FAF1: variants seen among roughly 807,000 people sequenced by gnomAD.
FAF1 encodes FAS-associated factor 1.
Under a neutral mutation model 92.5 loss-of-function variants are expected in FAF1, and 25 were observed. That is an observed-to-expected ratio of 0.27 (90% CI 0.20 to 0.38). The LOEUF (loss-of-function observed/expected upper bound fraction) is 0.38, where lower values mean the gene tolerates loss of function less well. FAF1 is among the 10% of genes least tolerant of loss of function. The pLI, the probability that FAF1 is intolerant of heterozygous loss-of-function variation, is 1.00. For missense variants in FAF1, 636 were observed against 793.3 expected, an observed-to-expected ratio of 0.80 and a Z score of 2.38; for synonymous variants, 234 against 273.2, an observed-to-expected ratio of 0.86 and a Z score of 1.42.
chr1:50,714,621 A>G (rs1658097635), intron 6 of FAF1, among the ~76,000 whole-genome samples: 1 of 152,174 alleles, frequency 6.6e-6, no homozygotes, highest in Non-Finnish European at 1.5e-5. Context: ...TTTTGTGGGA[A>G]CTGCCTTTGA....
chr1:50,929,339 T>C (rs1424741575), intron 1 of FAF1, among the ~76,000 whole-genome samples: 1 of 152,160 alleles, frequency 6.6e-6, no homozygotes, highest in East Asian at 1.9e-4. Flanking sequence ...CATTGAGTAC[T>C]AGTATATAAA....
chr1:50,804,634 A>G (rs548080670), intron 2 of FAF1, among the ~76,000 whole-genome samples: 1 of 152,248 alleles, frequency 6.6e-6, no homozygotes, highest in African/African-American at 2.4e-5. Flanking sequence ...ATGGGAAACT[A>G]AGAATAATTG....
At chr1:50,726,155 C>T (rs961326524) in intron 6 of FAF1, among the ~76,000 whole-genome samples, 6 of 151,982 alleles carry the variant, frequency 3.9e-5, no homozygotes, top group African/African-American at 1.5e-4. Context: ...ACTCGGGAGG[C>T]TGAGGCAGGA....
intron 18 of FAF1, among the ~76,000 whole-genome samples, chr1:50,461,881 G>GAA (rs11449784): frequency 1.6e-4 from 18 of 112,458 alleles, no homozygotes; most frequent in South Asian, 8.4e-4. Context: ...CCAAAACACT[G>GAA]AAAAAAAAAA....
chr1:50,823,106 A>G (rs998441462), intron 2 of FAF1, among the ~76,000 whole-genome samples: 4 of 152,088 alleles, frequency 2.6e-5, no homozygotes, highest in African/African-American at 9.7e-5. Context: ...TATGAGTTAG[A>G]CATCCCGCAG....
intron 14 of FAF1, among the ~76,000 whole-genome samples, chr1:50,539,212 G>A (rs17106276): frequency 0.016 from 2,478 of 152,200 alleles, 73 homozygotes; most frequent in African/African-American, 0.055. Flanking sequence ...TACAGTGACT[G>A]GATTTTCTAG....
intron 8 of FAF1, among the ~76,000 whole-genome samples, chr1:50,629,097 T>C (rs917211362): frequency 6.6e-6 from 1 of 152,158 alleles, no homozygotes; most frequent in African/African-American, 2.4e-5. Context: ...ATATCTATTA[T>C]TGTTATTCCC....
At chr1:50,821,991 G>A (rs919933419) in intron 2 of FAF1, among the ~76,000 whole-genome samples, 3 of 151,866 alleles carry the variant, frequency 2.0e-5, no homozygotes, top group Non-Finnish European at 2.9e-5. Context: ...AGAAAAGTGG[G>A]TAGGTTAACA....
chr1:50,796,522 C>T (rs935482711), intron 3 of FAF1, among the ~76,000 whole-genome samples: 2 of 152,166 alleles, frequency 1.3e-5, no homozygotes, highest in Non-Finnish European at 2.9e-5. Flanking sequence ...CTTTGTTCCT[C>T]TATCACTTTC....
intron 13 of FAF1, among the ~76,000 whole-genome samples, chr1:50,558,937 C>T (rs1391127945): frequency 6.6e-6 from 1 of 152,058 alleles, no homozygotes; most frequent in Admixed American, 6.6e-5. Context: ...TAAATTATCT[C>T]AAAGAACATT....
chr1:50,878,609 T>C (rs1222713756), intron 1 of FAF1, among the ~76,000 whole-genome samples: 1 of 152,190 alleles, frequency 6.6e-6, no homozygotes, highest in African/African-American at 2.4e-5. Flanking sequence ...CCCTTACACA[T>C]TAGCAGCCAA....
chr1:50,819,776 T>C lies in FAF1; in HGVS notation c.115-18099A>G, dbSNP rs867611826. 2.3e-3 allele frequency among the ~76,000 whole-genome samples: 169 copies of C among 75,056 alleles called. 9 individuals carry two copies. Among genetic ancestry groups the C allele is most frequent in the African/African-American group, 8.4e-3 (156 of 18,558 alleles). The allele number at this position is 75,056 out of a possible 152,430, so 49.2% of individuals were successfully genotyped here. ...ACATATATATATACGTATATATATATACATATATATACATATATATATATA... is the reference window on the plus strand; with the variant it reads ...ACATATATATATACGTATATATATACACATATATATACATATATATATATA... On this transcript the variant is annotated intron_variant, in intron 2 of 18. Transcript: ENST00000396153.
At position 50,490,656 on chromosome 1, in the gene FAF1, G is replaced by A; in HGVS notation, c.1585C>T (p.His529Tyr). 1 of 1,609,462 alleles carries A rather than the reference G, an allele frequency of 6.2e-7. No homozygotes were observed. ...LEADRAKREA[H>Y]EREMAEQFRL... ...AACTGTTCTGCCATCTCTCTCTCGT[G>A]AGCTTCCCTCTGTTGATAAAACAGA... The change falls in exon 17 of 19, where the codon CAC becomes TAC. Residue 529 changes from histidine to tyrosine, a missense_variant. Physicochemically the swap from His to Tyr is moderately conservative, Grantham distance 83 (BLOSUM62 2). Around this residue, in one of 2 missense-constraint regions of FAF1, gnomAD observed 319 missense variants for 451.0 expected, o/e 0.71. Coordinates refer to ENST00000396153, the MANE Select transcript of FAF1 (RefSeq NM_007051.3).
intron 1 of FAF1, among the ~76,000 whole-genome samples, chr1:50,912,793 A>G (rs1306869184): frequency 6.6e-6 from 1 of 152,182 alleles, no homozygotes; most frequent in African/African-American, 2.4e-5. Flanking sequence ...ATATCAATCA[A>G]TTGCTTACCC....
intron 4 of FAF1, among the ~76,000 whole-genome samples, chr1:50,781,757 A>C (rs1289414947): frequency 6.6e-6 from 1 of 152,228 alleles, no homozygotes; most frequent in East Asian, 1.9e-4. Context: ...TTACTCCATA[A>C]AAAAGTCTTA....
intron 1 of FAF1, among the ~76,000 whole-genome samples, chr1:50,928,827 T>C (rs1416019452): frequency 6.8e-6 from 1 of 146,704 alleles, no homozygotes; most frequent in Non-Finnish European, 1.5e-5. Context: ...CCAGGCACAG[T>C]GGCGCATGCC....
chr1:50,919,008 T>G (rs1044535237), intron 1 of FAF1, among the ~76,000 whole-genome samples: 2 of 152,176 alleles, frequency 1.3e-5, no homozygotes, highest in Non-Finnish European at 2.9e-5. Context: ...TTTTTAATTA[T>G]AAGGAACAAA....
intron 15 of FAF1, among the ~76,000 whole-genome samples, chr1:50,508,829 T>C (rs911446282): frequency 2.0e-5 from 3 of 152,178 alleles, no homozygotes; most frequent in African/African-American, 4.8e-5. Context: ...AGCTCCTGAG[T>C]AGCAGGGATT....
intron 7 of FAF1, among the ~76,000 whole-genome samples, chr1:50,686,859 C>T (rs1557475098): frequency 6.6e-6 from 1 of 152,040 alleles, no homozygotes; most frequent in South Asian, 2.1e-4. Flanking sequence ...CACAGCACCA[C>T]ATTCTGTCGC....
Sources: allele counts gnomAD v4.1 joint callset (sites outside exome capture counted in the v4.1 genomes callset), GRCh38; gene constraint gnomAD v4.1.1; regional missense constraint gnomAD v4.1.1; transcripts MANE v1.5; gene names NCBI Gene and HGNC (gene_info 2026-07-23, HGNC 2026-07-21).